NBPF8: variants seen among roughly 807,000 people sequenced by gnomAD.
NBPF8 encodes NBPF member 8.
chr1:120,415,796 G>A (rs1553245102), upstream of NBPF8, among the ~76,000 whole-genome samples: 5 of 152,282 alleles, frequency 3.3e-5, no homozygotes, highest in Admixed American at 2.0e-4. Flanking sequence ...TAGCGGGGCA[G>A]GCCTCTAATT....
chr1:120,450,293 A>G (rs1365299754), intron 11 of NBPF8, among the ~76,000 whole-genome samples: 1 of 152,016 alleles, frequency 6.6e-6, no homozygotes, highest in African/African-American at 2.4e-5. Flanking sequence ...GTGAGAGTGA[A>G]GTCCTGCTTC....
At position 120,460,513 on chromosome 1, in the gene NBPF8, G is replaced by A. The variant is rs1307111867; in HGVS notation, n.2785-60G>A. 36 of 945,840 alleles carry A rather than the reference G, an allele frequency of 3.8e-5. No homozygotes were observed. The African/African-American group carries it at 4.0e-4, about 11-fold the overall frequency. 58.6% of individuals were successfully genotyped at this position (945,840 alleles called of 1,614,324 possible). On this transcript the variant is annotated intron_variant and non_coding_transcript_variant, in intron 17 of 24. Coordinates refer to ENST00000583271, the Ensembl canonical transcript of NBPF8. ...CTGTGTTAGGATTGGACAGAGGAAT[G>A]TTTCTGTGTGCAAGGAAGAACTGCT...
At chr1:120,468,796 GC>G (rs1361414120), downstream of NBPF8, among the ~76,000 whole-genome samples, 1 of 149,728 alleles carries the variant, frequency 6.7e-6, no homozygotes, top group East Asian at 2.0e-4. Flanking sequence ...GGATAGTTTT[GC>G]CTGGGTTCTA....
upstream of NBPF8, among the ~76,000 whole-genome samples, chr1:120,434,505 C>A (rs1335577246): frequency 6.8e-6 from 1 of 148,022 alleles, no homozygotes; most frequent in Non-Finnish European, 1.5e-5. Flanking sequence ...TATCCCTCCC[C>A]CAGCCCTCAC....
At chr1:120,424,456 T>C (rs1227814936) in intron 1 of NBPF8, among the ~76,000 whole-genome samples, 1 of 148,592 alleles carries the variant, frequency 6.7e-6, no homozygotes, top group East Asian at 1.9e-4. Context: ...TATTTTATCT[T>C]TTTTTTTGGA....
At chr1:120,450,321 G>T (rs1262856273) in intron 11 of NBPF8, among the ~76,000 whole-genome samples, 1 of 151,982 alleles carries the variant, frequency 6.6e-6, no homozygotes, top group Non-Finnish European at 1.5e-5. Context: ...ACAGAGTCTT[G>T]TTGCTAAAGA....
chr1:120,433,508 A>G (rs1352911339), upstream of NBPF8: 2 of 153,700 alleles, frequency 1.3e-5, no homozygotes, highest in African/African-American at 4.8e-5. Flanking sequence ...GTGTCTGTCC[A>G]TCTATCCCTG....
At chr1:120,428,557 G>T (rs1421447572) in intron 3 of NBPF8, among the ~76,000 whole-genome samples, 2 of 152,040 alleles carry the variant, frequency 1.3e-5, no homozygotes, top group Admixed American at 1.3e-4. Context: ...TTTAATTCAG[G>T]CAGGTTTATT....
chr1:120,455,199 T>G (rs1165472355), intron 15 of NBPF8, among the ~76,000 whole-genome samples: 6 of 151,898 alleles, frequency 4.0e-5, no homozygotes, highest in African/African-American at 1.2e-4. Flanking sequence ...ATGGTCTACA[T>G]GTAGAGGGAG....
chr1:120,450,131 G>A (rs1570271701), intron 11 of NBPF8, among the ~76,000 whole-genome samples: 1 of 152,116 alleles, frequency 6.6e-6, no homozygotes, highest in African/African-American at 2.4e-5. Context: ...GGAGGCTGAG[G>A]CAGGAGAATC....
At chr1:120,449,782 C>G (rs1472816902) in intron 11 of NBPF8, among the ~76,000 whole-genome samples, 2 of 152,116 alleles carry the variant, frequency 1.3e-5, no homozygotes. Flanking sequence ...AACTTTTATT[C>G]AGTTCAAGTT....
intron 16 of NBPF8, among the ~76,000 whole-genome samples, chr1:120,456,278 G>A (rs1473282866): frequency 7.3e-5 from 11 of 150,876 alleles, no homozygotes. Context: ...ATGTCTTTTA[G>A]GTCTGCTTGG....
At chr1:120,433,372 TCAAA>T (rs1232454931), upstream of NBPF8, 4 of 152,664 alleles carry the variant, frequency 2.6e-5, no homozygotes, top group African/African-American at 4.8e-5. Context: ...GAATACAGAC[TCAAA>T]CAATATGCCC....
chr1:120,465,309 AAAG>A, exon 24 of NBPF8: 1 of 699,546 alleles, frequency 1.4e-6, no homozygotes, highest in Non-Finnish European at 2.5e-6. Flanking sequence ...GAAGAAGATC[AAAG>A]AAGAAAAGAA....
intron 1 of NBPF8, among the ~76,000 whole-genome samples, chr1:120,425,612 G>C (rs1465073798): frequency 6.6e-6 from 1 of 152,122 alleles, no homozygotes; most frequent in Non-Finnish European, 1.5e-5. Context: ...CCGGTCCCCT[G>C]GGCCCATTTT....
upstream of NBPF8, among the ~76,000 whole-genome samples, chr1:120,419,592 G>C (rs1660517883): frequency 1.3e-5 from 2 of 152,124 alleles, no homozygotes; most frequent in African/African-American, 4.8e-5. Flanking sequence ...CAGAGTAGCT[G>C]AGACTACAAG....
intron 12 of NBPF8, among the ~76,000 whole-genome samples, chr1:120,451,857 G>T (rs878932371): frequency 9.3e-5 from 14 of 151,028 alleles, no homozygotes; most frequent in African/African-American, 3.4e-4. Context: ...ATGGAATTAG[G>T]AAGACACCTA....
chr1:120,425,669 T>A (rs1660705002), intron 1 of NBPF8, among the ~76,000 whole-genome samples: 1 of 151,796 alleles, frequency 6.6e-6, no homozygotes, highest in Admixed American at 6.6e-5. Flanking sequence ...TCCAAGTCTC[T>A]CCTTCCACCT....
At chr1:120,428,190 G>T (rs1263099091) in intron 3 of NBPF8, among the ~76,000 whole-genome samples, 1 of 152,206 alleles carries the variant, frequency 6.6e-6, no homozygotes, top group Admixed American at 6.5e-5. Flanking sequence ...GAGCAAACAG[G>T]TGGCCATGAA....
Sources: gnomAD v4.1 joint callset for allele counts (sites outside exome capture counted in the v4.1 genomes callset) on GRCh38, gnomAD v4.1.1 for gene constraint, MANE v1.5 for transcripts, NCBI Gene and HGNC (gene_info 2026-07-23, HGNC 2026-07-21) for gene names.